Variants in ACTR3C observed in about 807,000 individuals in gnomAD.
The protein encoded by ACTR3C is actin-related protein 3C.
ACTR3C carries 18 observed loss-of-function variants against 26.3 expected under a neutral mutation model. The observed-to-expected ratio is 0.68, with a 90% CI of 0.47 to 1.01. The LOEUF (loss-of-function observed/expected upper bound fraction) is 1.01, where lower values mean the gene tolerates loss of function less well. Ranked by LOEUF, ACTR3C falls within the 50% of genes least tolerant of loss-of-function variation. The pLI is 0.00. For synonymous variants in ACTR3C, 55 were observed against 94.5 expected, an observed-to-expected ratio of 0.58 and a Z score of 2.42; for missense variants, 184 against 250.7, an observed-to-expected ratio of 0.73 and a Z score of 1.80.
At chr7:150,170,247 C>T in the ACTR3C span, among the ~76,000 whole-genome samples, 42 of 150,454 alleles carry the variant, frequency 2.8e-4, no homozygotes, top group Admixed American at 2.6e-4. Context: ...ACATGGCAGC[C>T]GGCTTCCCTC....
chr7:150,246,371 T>C (rs1832464259), downstream of ACTR3C: 1 of 152,160 alleles, frequency 6.6e-6, no homozygotes. Context: ...TGAGTAATGA[T>C]ACAGCTGCAG....
the ACTR3C span, among the ~76,000 whole-genome samples, chr7:150,218,413 C>G: frequency 1.3e-5 from 2 of 152,236 alleles, no homozygotes; most frequent in Non-Finnish European, 2.9e-5. Flanking sequence ...TCACCATCAT[C>G]TCACTTTAGG....
chr7:149,951,945 C>T, the ACTR3C span, among the ~76,000 whole-genome samples: 42 of 150,106 alleles, frequency 2.8e-4, 2 homozygotes, highest in South Asian at 8.1e-3. Flanking sequence ...AGAAATTTAA[C>T]TTCTCACAGT....
the ACTR3C span, among the ~76,000 whole-genome samples, chr7:150,174,882 T>TG: frequency 6.8e-6 from 1 of 146,826 alleles, no homozygotes; most frequent in Non-Finnish European, 1.5e-5. Flanking sequence ...ATAATGTTAC[T>TG]GGGTCAGAAT....
At chr7:150,066,736 G>A in the ACTR3C span, among the ~76,000 whole-genome samples, 28 of 152,306 alleles carry the variant, frequency 1.8e-4, no homozygotes, top group Middle Eastern at 6.8e-3. Context: ...ATAAACACGC[G>A]CTGTGTGATG....
the ACTR3C span, among the ~76,000 whole-genome samples, chr7:149,907,500 C>CTCTCTCTCTCTCTCTCTG: frequency 2.2e-4 from 34 of 151,256 alleles, 1 homozygote; most frequent in South Asian, 7.3e-3. Flanking sequence ...CTCTCTCTCT[C>CTCTCTCTCTCTCTCTCTG]TCTCTCTCTC....
chr7:150,314,432 A>G (rs1796626535), intron 1 of ACTR3C, among the ~76,000 whole-genome samples: 1 of 152,210 alleles, frequency 6.6e-6, no homozygotes, highest in Non-Finnish European at 1.5e-5. Context: ...CCTCTACCTC[A>G]GGGTACTGAT....
the ACTR3C span, among the ~76,000 whole-genome samples, chr7:150,140,397 T>C: frequency 6.6e-6 from 1 of 152,160 alleles, no homozygotes; most frequent in Non-Finnish European, 1.5e-5. Context: ...CTGGAGAGGA[T>C]TGACTCCAAT....
the ACTR3C span, among the ~76,000 whole-genome samples, chr7:149,976,839 G>A: frequency 9.0e-4 from 137 of 152,020 alleles, no homozygotes; most frequent in African/African-American, 3.1e-3. Flanking sequence ...GGTCTGTCGA[G>A]TGGGGTACAG....
the ACTR3C span, among the ~76,000 whole-genome samples, chr7:150,040,002 G>C: frequency 7.0e-6 from 1 of 142,394 alleles, no homozygotes; most frequent in African/African-American, 2.6e-5. Flanking sequence ...TGCGATAGTG[G>C]TCCCAAGAGC....
chr7:150,065,305 T>C, the ACTR3C span, among the ~76,000 whole-genome samples: 1 of 152,256 alleles, frequency 6.6e-6, no homozygotes, highest in Non-Finnish European at 1.5e-5. Flanking sequence ...TAATTTACCA[T>C]CGAAAACCAA....
chr7:149,920,567 C>T, the ACTR3C span, among the ~76,000 whole-genome samples: 22 of 152,016 alleles, frequency 1.4e-4, no homozygotes, highest in African/African-American at 4.6e-4. Context: ...CCTGCCTTGG[C>T]CTCCCAAAGT....
At chr7:150,323,211 A>T in intron 1 of ACTR3C, 1 of 233,330 alleles carries the variant, frequency 4.3e-6, no homozygotes. Context: ...CAGGCACCGC[A>T]GGTAGGAGGA....
the ACTR3C span, among the ~76,000 whole-genome samples, chr7:150,170,596 G>T: frequency 6.6e-6 from 1 of 150,780 alleles, no homozygotes; most frequent in Non-Finnish European, 1.5e-5. Flanking sequence ...GTAACATGTG[G>T]CCTTTGTGCC....
the ACTR3C span, among the ~76,000 whole-genome samples, chr7:150,142,479 C>A: frequency 2.0e-5 from 3 of 152,300 alleles, no homozygotes; most frequent in African/African-American, 7.2e-5. Context: ...AAAACAGAAG[C>A]AGTTATTGTG....
the ACTR3C span, among the ~76,000 whole-genome samples, chr7:150,106,816 G>C: frequency 6.9e-6 from 1 of 145,394 alleles, no homozygotes; most frequent in Non-Finnish European, 1.5e-5. Context: ...GGGCATACAG[G>C]TGCTTCCCTG....
chr7:150,105,877 A>C, the ACTR3C span, among the ~76,000 whole-genome samples: 1 of 152,068 alleles, frequency 6.6e-6, no homozygotes, highest in Non-Finnish European at 1.5e-5. Flanking sequence ...GCATAATTTT[A>C]GTCTTTCATA....
the ACTR3C span, among the ~76,000 whole-genome samples, chr7:150,096,856 G>A: frequency 4.0e-5 from 6 of 151,810 alleles, no homozygotes; most frequent in Non-Finnish European, 5.9e-5. Flanking sequence ...GCTTGCATGC[G>A]CTTGTCATGG....
chr7:149,944,492 A>G, the ACTR3C span, among the ~76,000 whole-genome samples: 2 of 151,866 alleles, frequency 1.3e-5, no homozygotes, highest in Non-Finnish European at 2.9e-5. Flanking sequence ...AGGTGCTCAC[A>G]GTCTTGGGAA....
Sources: allele counts gnomAD v4.1 joint callset (sites outside exome capture counted in the v4.1 genomes callset), GRCh38; gene constraint gnomAD v4.1.1; transcripts MANE v1.5; gene names NCBI Gene and HGNC (gene_info 2026-07-23, HGNC 2026-07-21).